The following ANO7 variants were observed in gnomAD, a reference collection of about 807,000 sequenced individuals.
ANO7 encodes anoctamin 7.
ANO7 carries 114 observed loss-of-function variants against 115.8 expected under a neutral mutation model. The ratio of observed to expected loss-of-function variants is 0.98; its 90% CI spans 0.85 to 1.15. The LOEUF (loss-of-function observed/expected upper bound fraction) is 1.15, where lower values mean the gene tolerates loss of function less well. Ranked by LOEUF, ANO7 falls within the 50% of genes most tolerant of loss-of-function variation. ANO7 has a pLI of 0.00. For synonymous variants in ANO7, 550 were observed against 498.2 expected (o/e 1.10, Z -1.38); for missense variants, 1,302 against 1,201.2 (o/e 1.08, Z -1.24).
At chr2:241,239,507 T>A in the ANO7 span, 1 of 981,696 alleles carries the variant, frequency 1.0e-6, no homozygotes, top group South Asian at 1.5e-5. The surrounding 1 kb of genome is among the most constrained non-coding windows in gnomAD (Gnocchi z 4.6). Flanking sequence ...TATGAGGGAG[T>A]CACCTCCCTA....
the ANO7 span, chr2:241,235,246 G>A: frequency 1.9e-6 from 3 of 1,614,098 alleles, no homozygotes; most frequent in Non-Finnish European, 2.5e-6. Context: ...GCCGGGACAT[G>A]TATGTTCACC....
intron 4 of ANO7, among the ~76,000 whole-genome samples, chr2:241,197,253 C>T (rs1423077617): frequency 6.6e-6 from 1 of 152,184 alleles, no homozygotes; most frequent in Non-Finnish European, 1.5e-5. Context: ...GCACCCACCA[C>T]CACGCCCAGC....
Position 241,218,298 on chromosome 2 carries a change from C to T in ANO7, c.2238C>T (p.Arg746=). Residue 746 remains arginine, a synonymous_variant, in exon 21 of 25, where the codon CGC becomes CGT. Coordinates refer to ENST00000674324, the MANE Select transcript of ANO7 (RefSeq NM_001370694.2). Reference sequence around the variant, plus strand: ...CGCGCGCCTACTACCGGTGGACCCGCGCCCACGACCTGCGCGGCTTCCTCA... The same window carrying T: ...CGCGCGCCTACTACCGGTGGACCCGTGCCCACGACCTGCGCGGCTTCCTCA... The part of the protein sequence containing the change: ...FLPRAYYRWT[R]AHDLRGFLNF... 5 of 1,535,098 alleles carry T rather than the reference C, an allele frequency of 3.3e-6. No homozygotes were observed. Among genetic ancestry groups the T allele is most frequent in the South Asian group, 1.2e-5 (1 of 84,712 alleles).
chr2:241,230,691 T>C (rs2069636881), downstream of ANO7: 17 of 1,410,700 alleles, frequency 1.2e-5, no homozygotes, highest in Non-Finnish European at 1.4e-5. This position sits in a 1 kb window ranked among gnomAD's most constrained non-coding sequence, Gnocchi z 5.0. Context: ...GCCCTGCTCT[T>C]TCTTCTGGCC....
At chr2:241,221,057 TTTTTATTTA>T (rs2068999928) in intron 21 of ANO7, among the ~76,000 whole-genome samples, 1 of 151,950 alleles carries the variant, frequency 6.6e-6, no homozygotes, top group Non-Finnish European at 1.5e-5. Context: ...TATTTTTATT[TTTTTATTTA>T]TTTTATTTTA....
In ANO7 at chr2:241,204,849, G is replaced by A. The variant is rs2068552468; in HGVS notation, c.890-16G>A. ...CCTGGGTTCCTGATGGTGGACCCCT[G>A]CCATCCTCTCTACAGGGTTTTACAC... On this transcript the variant is annotated splice_polypyrimidine_tract_variant and intron_variant, in intron 9 of 24. Coordinates refer to ENST00000674324, the MANE Select transcript of ANO7 (RefSeq NM_001370694.2). The A allele has an allele frequency of 6.2e-7, 1 of 1,609,834 alleles. No individual in the cohort carries two copies. Among genetic ancestry groups the A allele is most frequent in the Non-Finnish European group, 8.5e-7 (1 of 1,176,680 alleles).
Position 241,204,793 on chromosome 2 carries a change from G to C in ANO7, c.890-72G>C, listed in dbSNP as rs887419512. The C allele has an allele frequency of 2.9e-5, 34 of 1,169,306 alleles. No homozygotes were observed. In the Admixed American group the frequency reaches 6.2e-4, roughly 21 times the overall value. 72.4% of individuals were successfully genotyped at this position (1,169,306 alleles called of 1,614,324 possible). ...GGGTGGTCCCTAGGGGACAAGCATG[G>C]CTGTGCAGACCCCTACCTGGGGCCC... On this transcript the variant is annotated intron_variant, in intron 9 of 24. Transcript: ENST00000674324.
At chr2:241,210,838 T>G (rs1363288632) in intron 15 of ANO7, among the ~76,000 whole-genome samples, 1 of 149,418 alleles carries the variant, frequency 6.7e-6, no homozygotes, top group African/African-American at 2.6e-5. Context: ...GCTGAAATTT[T>G]TTTTTTTTTT....
Position 241,207,554 on chromosome 2 carries a change from C to T in ANO7, c.981-20C>T. ...CCCCCTCCCCCATTAGCTCCCACCC[C>T]TCCGCTCCATGCCTTGCAGGCAGGA... On this transcript the variant is annotated intron_variant, in intron 10 of 24. Coordinates refer to ENST00000674324, the MANE Select transcript of ANO7 (RefSeq NM_001370694.2). 2 of 1,611,302 alleles carry T rather than the reference C, an allele frequency of 1.2e-6. No homozygotes were observed. The highest frequency in any genetic ancestry group is 1.7e-6 in the Non-Finnish European group (2 of 1,179,058).
At chr2:241,230,435 G>A (rs986087495), downstream of ANO7, among the ~76,000 whole-genome samples, 2 of 152,256 alleles carry the variant, frequency 1.3e-5, no homozygotes, top group Admixed American at 6.5e-5. The surrounding 1 kb of genome is among the most constrained non-coding windows in gnomAD (Gnocchi z 5.0). Context: ...CAAGTTAGGT[G>A]TATCTCAGGA....
chr2:241,235,645 C>T, the ANO7 span: 94 of 1,320,956 alleles, frequency 7.1e-5, no homozygotes, highest in African/African-American at 1.0e-4. Flanking sequence ...AGCAGAGTGA[C>T]GTTGTAAGCT....
At chr2:241,210,199 G>C (rs76182055) in intron 13 of ANO7, 96 bp from the exon 14 acceptor site, 81 of 1,205,830 alleles carry the variant, frequency 6.7e-5, no homozygotes, top group Non-Finnish European at 8.9e-5. Context: ...GCTGGGGCCA[G>C]CAGTGGACTA....
the ANO7 span, chr2:241,236,654 G>A: frequency 3.1e-6 from 5 of 1,614,062 alleles, no homozygotes; most frequent in South Asian, 3.3e-5. Context: ...TTTCTTTCCG[G>A]CCAGAGATGA....
Position 241,195,717 on chromosome 2 carries a change from G to T in ANO7, c.181G>T (p.Val61Phe). Reference sequence around the variant, plus strand: ...TTGGCTCCCAGCAGACTTCGTCCTCGTTTGGGAGGAGGACCTGAAGCTAGA... The same window carrying T: ...TTGGCTCCCAGCAGACTTCGTCCTCTTTTGGGAGGAGGACCTGAAGCTAGA... ...AKPRIADFVL[V>F]WEEDLKLDRQ... Residue 61 changes from valine (V) to phenylalanine (F), a missense_variant, in exon 4 of 25, where the codon GTT becomes TTT. Transcript: ENST00000674324. The T allele has an allele frequency of 6.2e-7, 1 of 1,614,200 alleles. No homozygotes were observed. The highest frequency in any genetic ancestry group is 8.5e-7 in the Non-Finnish European group (1 of 1,180,032).
At chr2:241,238,861 T>C in the ANO7 span, 2 of 1,240,358 alleles carry the variant, frequency 1.6e-6, no homozygotes, top group Non-Finnish European at 2.2e-6. This position sits in a 1 kb window ranked among gnomAD's most constrained non-coding sequence, Gnocchi z 4.9. Flanking sequence ...ACAGCACTCT[T>C]CACACCACCT....
At chr2:241,196,252 T>A in intron 4 of ANO7, 1 of 837,850 alleles carries the variant, frequency 1.2e-6, no homozygotes, top group Non-Finnish European at 1.5e-6. Flanking sequence ...GTGATAATGG[T>A]AGGTACCACT....
chr2:241,210,003 T>A (rs2068684007), intron 13 of ANO7, among the ~76,000 whole-genome samples: 1 of 152,192 alleles, frequency 6.6e-6, no homozygotes, highest in African/African-American at 2.4e-5. Context: ...TGCCAAGATG[T>A]CAGGAATCCC....
At chr2:241,199,160 G>A in intron 4 of ANO7, 156 bp from the exon 5 acceptor site, 1 of 682,516 alleles carries the variant, frequency 1.5e-6, no homozygotes, top group Non-Finnish European at 2.6e-6. Context: ...CGTATCCATG[G>A]GAGTAGGTGT....
At chr2:241,220,868 G>A (rs2068994990) in intron 21 of ANO7, among the ~76,000 whole-genome samples, 1 of 151,520 alleles carries the variant, frequency 6.6e-6, no homozygotes, top group African/African-American at 2.4e-5. Flanking sequence ...CTGCTCTGGA[G>A]GCTGGGGCAG....
Sources: gnomAD v4.1 joint callset for allele counts (sites outside exome capture counted in the v4.1 genomes callset) on GRCh38, gnomAD v4.1.1 for gene constraint, Gnocchi (gnomAD v3.1) non-coding constraint, MANE v1.5 for transcripts, NCBI Gene and HGNC (gene_info 2026-07-23, HGNC 2026-07-21) for gene names.